Variants in ST6GALNAC3 observed in about 807,000 individuals in gnomAD.
ST6GALNAC3 encodes the protein ST6 N-acetylgalactosaminide alpha-2,6-sialyltransferase 3, also known as alpha-N-acetylgalactosaminide alpha-2,6-sialyltransferase 3.
In ST6GALNAC3, 25 loss-of-function variants were observed where a neutral mutation model predicts 32.7. That is an observed-to-expected ratio of 0.76 (90% confidence interval 0.56 to 1.07). The LOEUF (loss-of-function observed/expected upper bound fraction) is 1.07. Among genes scored for constraint, ST6GALNAC3 ranks in the 50% least tolerant of loss-of-function variants. The pLI is 0.00. For synonymous variants in ST6GALNAC3, 129 were observed against 133.1 expected, an observed-to-expected ratio of 0.97 and a Z score of 0.21; for missense variants, 355 against 382.4, an observed-to-expected ratio of 0.93 and a Z score of 0.60.
chr1:76,362,931 G>A (rs1289332550), intron 2 of ST6GALNAC3, among the ~76,000 whole-genome samples: 1 of 152,210 alleles, frequency 6.6e-6, no homozygotes, highest in Non-Finnish European at 1.5e-5. Context: ...GGAGGACAGT[G>A]GCTGTCTTCT....
chr1:76,222,636 A>G (rs1000528360), intron 1 of ST6GALNAC3, among the ~76,000 whole-genome samples: 4 of 152,100 alleles, frequency 2.6e-5, no homozygotes, highest in Admixed American at 2.0e-4. Context: ...CATTGTGCAC[A>G]TGTACCCTAA....
At chr1:76,603,661 G>C (rs149834423) in intron 3 of ST6GALNAC3, among the ~76,000 whole-genome samples, 269 of 152,254 alleles carry the variant, frequency 1.8e-3, no homozygotes, top group African/African-American at 6.3e-3. Flanking sequence ...TGCTCTGTCT[G>C]TTTTATTTAC....
chr1:76,480,904 A>G (rs571648327), intron 3 of ST6GALNAC3, among the ~76,000 whole-genome samples: 1 of 151,998 alleles, frequency 6.6e-6, no homozygotes, highest in South Asian at 2.1e-4. Flanking sequence ...ACTAGTTTCC[A>G]TTGCTATTAT....
At chr1:76,159,491 T>C (rs538230560) in intron 1 of ST6GALNAC3, among the ~76,000 whole-genome samples, 2 of 152,328 alleles carry the variant, frequency 1.3e-5, no homozygotes, top group South Asian at 4.1e-4. Context: ...GTCTGGGCCC[T>C]GAGTCAGTTT....
At position 76,447,290 on chromosome 1, in the gene ST6GALNAC3, T is replaced by C. The variant is rs560057099; in HGVS notation, c.623+34873T>C. ...GAACTTTGAACTTGAGGGAGATGAT[T>C]TAGGGCATCTGGCAGAAGAAATTTC... On this transcript the variant is annotated intron_variant, in intron 3 of 4. Coordinates refer to ENST00000328299, the MANE Select transcript of ST6GALNAC3 (RefSeq NM_152996.4). Among the ~76,000 whole-genome samples, 123 of 152,254 alleles carry C rather than the reference T, an allele frequency of 8.1e-4. 1 individual carries two copies. The South Asian group carries it at 0.017, about 21-fold the overall frequency.
chr1:76,100,823 G>A (rs1255525406), intron 1 of ST6GALNAC3, among the ~76,000 whole-genome samples: 1 of 151,108 alleles, frequency 6.6e-6, no homozygotes, highest in Non-Finnish European at 1.5e-5. Context: ...TCCTTTGTGG[G>A]AAGTTTTAAA....
intron 1 of ST6GALNAC3, among the ~76,000 whole-genome samples, chr1:76,087,825 C>T (rs1157462624): frequency 1.3e-5 from 2 of 152,220 alleles, no homozygotes; most frequent in African/African-American, 4.8e-5. Context: ...ATAATAATAA[C>T]TTTAATGATA....
intron 3 of ST6GALNAC3, among the ~76,000 whole-genome samples, chr1:76,608,367 C>A (rs1275675031): frequency 6.6e-6 from 1 of 152,046 alleles, no homozygotes. Flanking sequence ...ACCAAATAAA[C>A]AACACTCATG....
intron 3 of ST6GALNAC3, among the ~76,000 whole-genome samples, chr1:76,497,865 T>C (rs762414192): frequency 1.3e-5 from 2 of 152,196 alleles, no homozygotes; most frequent in African/African-American, 2.4e-5. Context: ...CACCTCTATG[T>C]GGGCAGTATT....
chr1:76,146,788 A>G (rs1289190252), intron 1 of ST6GALNAC3, among the ~76,000 whole-genome samples: 1 of 152,236 alleles, frequency 6.6e-6, no homozygotes, highest in African/African-American at 2.4e-5. Context: ...CTCAGGACAA[A>G]TTAGAACTTT....
At chr1:76,580,982 A>G (rs959802321) in intron 3 of ST6GALNAC3, among the ~76,000 whole-genome samples, 1 of 152,148 alleles carries the variant, frequency 6.6e-6, no homozygotes, top group African/African-American at 2.4e-5. Context: ...AGAGGTTGAA[A>G]TAATTTAATG....
At chr1:76,380,694 G>T (rs962653560) in intron 2 of ST6GALNAC3, among the ~76,000 whole-genome samples, 1 of 152,118 alleles carries the variant, frequency 6.6e-6, no homozygotes, top group Non-Finnish European at 1.5e-5. Context: ...AAAATCAGAT[G>T]ACCTGGATGA....
intron 3 of ST6GALNAC3, among the ~76,000 whole-genome samples, chr1:76,511,754 T>C (rs776446231): frequency 1.3e-5 from 2 of 152,158 alleles, no homozygotes; most frequent in East Asian, 1.9e-4. Context: ...CACTTAAAAA[T>C]GGAAAGGGCT....
chr1:76,347,810 T>G (rs1266399725), intron 2 of ST6GALNAC3, among the ~76,000 whole-genome samples: 1 of 152,168 alleles, frequency 6.6e-6, no homozygotes, highest in Admixed American at 6.5e-5. Context: ...ACCAACAAAA[T>G]GAGGCCATAT....
chr1:76,548,065 C>G (rs1369615761), intron 3 of ST6GALNAC3, among the ~76,000 whole-genome samples: 2 of 152,084 alleles, frequency 1.3e-5, no homozygotes, highest in East Asian at 1.9e-4. Context: ...AATTGCAAAG[C>G]CTTCATAGTG....
intron 3 of ST6GALNAC3, among the ~76,000 whole-genome samples, chr1:76,489,669 G>T (rs1392800857): frequency 6.6e-6 from 1 of 152,112 alleles, no homozygotes; most frequent in African/African-American, 2.4e-5. Flanking sequence ...ACTTCCAAAG[G>T]TGGAGCCCTG....
At chr1:76,519,438 C>T (rs981407829) in intron 3 of ST6GALNAC3, among the ~76,000 whole-genome samples, 8 of 152,062 alleles carry the variant, frequency 5.3e-5, no homozygotes, top group African/African-American at 1.9e-4. Context: ...CTGCACTGTC[C>T]AAAACACAGC....
intron 2 of ST6GALNAC3, among the ~76,000 whole-genome samples, chr1:76,347,757 C>A (rs561127803): frequency 6.6e-6 from 1 of 152,104 alleles, no homozygotes; most frequent in South Asian, 2.1e-4. Context: ...CTTGCTCTAT[C>A]TATCACTAAT....
At chr1:76,109,122 A>G (rs957658721) in intron 1 of ST6GALNAC3, among the ~76,000 whole-genome samples, 1 of 152,182 alleles carries the variant, frequency 6.6e-6, no homozygotes, top group Non-Finnish European at 1.5e-5. Context: ...ATAGAGGAAG[A>G]GAACAGTGGT....
Sources: gnomAD v4.1 joint callset for allele counts (sites outside exome capture counted in the v4.1 genomes callset) on GRCh38, gnomAD v4.1.1 for gene constraint, MANE v1.5 for transcripts, NCBI Gene and HGNC (gene_info 2026-07-23, HGNC 2026-07-21) for gene names.